Variants in INTU observed in about 807,000 individuals in gnomAD.
INTU encodes protein inturned.
INTU carries 68 observed loss-of-function variants against 100.5 expected under a neutral mutation model. The ratio of observed to expected loss-of-function variants is 0.68; its 90% CI spans 0.56 to 0.83. The LOEUF (loss-of-function observed/expected upper bound fraction) is 0.83. Ranked by LOEUF, INTU falls within the 40% of genes least tolerant of loss-of-function variation. INTU has a pLI of 0.00. For missense variants in INTU, 1,071 were observed against 1,114.7 expected (o/e 0.96, Z 0.56); for synonymous variants, 357 against 395.7 (o/e 0.90, Z 1.16).
intron 7 of INTU, 52 bp downstream of exon 7, chr4:127,684,538 C>T (rs1054375129): frequency 1.2e-5 from 13 of 1,042,476 alleles, no homozygotes; most frequent in Non-Finnish European, 1.9e-5. Flanking sequence ...GATTCTAAGT[C>T]ATCTTCTGCA....
chr4:127,688,094 C>A (rs1436600745), intron 8 of INTU, among the ~76,000 whole-genome samples: 4 of 152,016 alleles, frequency 2.6e-5, no homozygotes, highest in East Asian at 1.9e-4. Context: ...TAAGCTTTAT[C>A]CAAGCTAGGA....
chr4:127,710,227 C>T (rs369524626), intron 13 of INTU, among the ~76,000 whole-genome samples: 3 of 152,138 alleles, frequency 2.0e-5, no homozygotes, highest in East Asian at 3.9e-4. Context: ...TGTTTATTCT[C>T]ATTATTGACA....
chr4:127,660,434 C>G (rs979162528), intron 3 of INTU, among the ~76,000 whole-genome samples: 1 of 152,146 alleles, frequency 6.6e-6, no homozygotes, highest in Non-Finnish European at 1.5e-5. Context: ...ATGCAGAGAG[C>G]AGTGTAGATG....
intron 6 of INTU, among the ~76,000 whole-genome samples, chr4:127,680,045 C>A (rs1729449074): frequency 6.6e-6 from 1 of 151,964 alleles, no homozygotes; most frequent in Admixed American, 6.6e-5. Flanking sequence ...CCTCCCAAGA[C>A]TAAACCAGGA....
At chr4:127,688,168 A>G (rs1729918911) in intron 8 of INTU, among the ~76,000 whole-genome samples, 2 of 152,042 alleles carry the variant, frequency 1.3e-5, no homozygotes, top group Admixed American at 6.6e-5. Context: ...CTTTGATTTT[A>G]TAATGTAAGG....
intron 7 of INTU, chr4:127,685,472 A>G: frequency 2.2e-6 from 1 of 455,852 alleles, no homozygotes; most frequent in South Asian, 1.6e-5. Context: ...TGATTGTGTC[A>G]TCTGGGAAAA....
chr4:127,716,262 G>T (rs548650593), intron 15 of INTU, 63 bp from the exon 16 acceptor site: 40 of 712,372 alleles, frequency 5.6e-5, no homozygotes, highest in Non-Finnish European at 8.9e-5. Context: ...TTAATTGGAT[G>T]GTTAGAGTTT....
At position 127,713,634 on chromosome 4, in the gene INTU, T is replaced by C. The variant is rs184621681; in HGVS notation, c.2560-302T>C. ...CCCTGGGGAAAAAAGCTTATAATTT[T>C]CTATCTTCCACTGTGGAAGACAGAT... On this transcript the variant is annotated intron_variant, in intron 14 of 15. Coordinates refer to ENST00000335251, the MANE Select transcript of INTU (RefSeq NM_015693.4). Among the ~76,000 whole-genome samples, 723 of 152,306 alleles carry C rather than the reference T, an allele frequency of 4.7e-3. 3 individuals carry two copies. Among genetic ancestry groups the C allele is most frequent in the Non-Finnish European group, 7.5e-3 (510 of 68,026 alleles).
At chr4:127,653,162 C>G (rs1444272987) in intron 2 of INTU, among the ~76,000 whole-genome samples, 1 of 142,772 alleles carries the variant, frequency 7.0e-6, no homozygotes, top group East Asian at 2.0e-4. Flanking sequence ...TTGATCCTTT[C>G]AAAAAACCAG....
chr4:127,706,817 C>T lies in INTU; in HGVS notation c.2119C>T (p.Pro707Ser). The change falls in exon 12 of 16, where the codon CCT (proline) becomes TCT (serine). Residue 707 changes from proline to serine, a missense_variant. Coordinates refer to ENST00000335251, the MANE Select transcript of INTU (RefSeq NM_015693.4). Reference protein sequence around the residue: ...FGDYSLKTRKPSPSCSSGGSD... With the variant: ...FGDYSLKTRKSSPSCSSGGSD... ...TGACTATTCCTTAAAGACACGCAAG[C>T]CTAGTCCTTCCTGTAGTAGTGGAGG... The T allele has an allele frequency of 6.2e-7, 1 of 1,614,098 alleles. No individual in the cohort carries two copies.
intron 8 of INTU, among the ~76,000 whole-genome samples, chr4:127,689,460 G>A (rs1730004376): frequency 6.6e-6 from 1 of 151,778 alleles, no homozygotes; most frequent in Admixed American, 6.6e-5. Flanking sequence ...GACCAGCCTG[G>A]ACAACATATG....
At chr4:127,645,355 A>G (rs1296852538) in intron 2 of INTU, among the ~76,000 whole-genome samples, 1 of 152,080 alleles carries the variant, frequency 6.6e-6, no homozygotes, top group Non-Finnish European at 1.5e-5. Context: ...TCAAGACACC[A>G]GTGATCCAGC....
chr4:127,675,539 G>A (rs376850444), intron 6 of INTU, among the ~76,000 whole-genome samples: 1 of 152,176 alleles, frequency 6.6e-6, no homozygotes, highest in African/African-American at 2.4e-5. Context: ...TAACACAAAG[G>A]TGTTTTCGTG....
chr4:127,714,310 T>A (rs540842997), intron 15 of INTU, among the ~76,000 whole-genome samples: 1 of 152,148 alleles, frequency 6.6e-6, no homozygotes, highest in African/African-American at 2.4e-5. Flanking sequence ...AGTAATACAC[T>A]GAAAGAATAA....
At chr4:127,670,653 C>CAAAAT (rs1255649905) in intron 5 of INTU, among the ~76,000 whole-genome samples, 3 of 151,962 alleles carry the variant, frequency 2.0e-5, no homozygotes, top group Admixed American at 2.0e-4. Context: ...ATAGCCAAAG[C>CAAAAT]AGTCCTAAGC....
intron 7 of INTU, chr4:127,685,410 A>G (rs528564124): frequency 6.6e-6 from 3 of 455,092 alleles, no homozygotes; most frequent in African/African-American, 2.0e-5. Flanking sequence ...CTGTTTATCT[A>G]TAGTGGATCT....
At chr4:127,650,390 C>A (rs1268627018) in intron 2 of INTU, among the ~76,000 whole-genome samples, 1 of 130,860 alleles carries the variant, frequency 7.6e-6, no homozygotes, top group African/African-American at 2.9e-5. Flanking sequence ...CACCCCACCA[C>A]AGTCCCCAGA....
In INTU at chr4:127,660,421, C is replaced by T. The variant is rs144690438; in HGVS notation, c.769-2960C>T. On this transcript the variant is annotated intron_variant, in intron 3 of 15. Transcript: ENST00000335251. ...CTGTTAGCCAACAGGGAAAGGACAA[C>T]ACATGCAGAGAGCAGTGTAGATGAT... is the stretch of plus-strand genomic sequence containing the variant. 7.0e-4 allele frequency among the ~76,000 whole-genome samples: 107 copies of T among 152,276 alleles called. 1 individual carries two copies. The highest frequency in any genetic ancestry group is 1.2e-3 in the Non-Finnish European group (79 of 68,016).
At chr4:127,640,525 T>A (rs1341969215) in intron 1 of INTU, among the ~76,000 whole-genome samples, 1 of 123,918 alleles carries the variant, frequency 8.1e-6, no homozygotes, top group African/African-American at 3.1e-5. Context: ...ATTGGTATAG[T>A]CTTTTGGGTA....
Sources: allele counts gnomAD v4.1 joint callset (sites outside exome capture counted in the v4.1 genomes callset), GRCh38; gene constraint gnomAD v4.1.1; transcripts MANE v1.5; gene names NCBI Gene and HGNC (gene_info 2026-07-23, HGNC 2026-07-21).